ERC2: variants seen among roughly 807,000 people sequenced by gnomAD.
ERC2 encodes ELKS/RAB6-interacting/CAST family member 2.
A neutral mutation model predicts 114.8 loss-of-function variants in ERC2; 42 were observed. The observed-to-expected ratio is 0.37, with a 90% CI of 0.29 to 0.47. The LOEUF is 0.47. ERC2 is among the 20% of genes least tolerant of loss of function. The pLI, the probability that ERC2 is intolerant of heterozygous loss-of-function variation, is 0.99. For synonymous variants in ERC2, 454 were observed against 425.5 expected (o/e 1.07, Z -0.82); for missense variants, 939 against 1,150.7 (o/e 0.82, Z 2.66).
At chr3:55,945,687 TA>T (rs1461865884) in intron 13 of ERC2, among the ~76,000 whole-genome samples, 2 of 151,914 alleles carry the variant, frequency 1.3e-5, no homozygotes, top group African/African-American at 4.8e-5. Flanking sequence ...AATTAAAAAA[TA>T]AAATTGCCTT....
chr3:56,219,485 C>A (rs1025611264), intron 3 of ERC2, among the ~76,000 whole-genome samples: 1 of 151,942 alleles, frequency 6.6e-6, no homozygotes, highest in South Asian at 2.1e-4. Flanking sequence ...CAATATGTAT[C>A]CTGAGTTTCC....
At chr3:55,903,150 C>T (rs942480804) in intron 13 of ERC2, among the ~76,000 whole-genome samples, 3 of 152,172 alleles carry the variant, frequency 2.0e-5, no homozygotes, top group East Asian at 3.9e-4. Flanking sequence ...CTGTATCATG[C>T]TTTGGAAATA....
At chr3:55,787,315 C>A (rs528125682) in intron 14 of ERC2, among the ~76,000 whole-genome samples, 7 of 152,154 alleles carry the variant, frequency 4.6e-5, no homozygotes, top group South Asian at 4.2e-4. Context: ...ACTAGGGAAG[C>A]TGAGGCAGGA....
chr3:56,165,373 CGTTA>C (rs1010251557), intron 4 of ERC2, among the ~76,000 whole-genome samples: 1 of 151,776 alleles, frequency 6.6e-6, no homozygotes, highest in African/African-American at 2.4e-5. Flanking sequence ...ACAGTGTACA[CGTTA>C]GTTACATATG....
chr3:55,759,497 A>G (rs868603555), intron 14 of ERC2, among the ~76,000 whole-genome samples: 1,289 of 104,832 alleles, frequency 0.012, 39 homozygotes, highest in African/African-American at 0.041. Context: ...AAAAAAAAAA[A>G]AGGTTAAGGT....
At chr3:55,914,988 T>C (rs2065011899) in intron 13 of ERC2, among the ~76,000 whole-genome samples, 1 of 152,158 alleles carries the variant, frequency 6.6e-6, no homozygotes, top group South Asian at 2.1e-4. Context: ...TTTTGAAGCA[T>C]CTTGCCTTTC....
intron 2 of ERC2, among the ~76,000 whole-genome samples, chr3:56,413,742 A>G (rs2061033787): frequency 6.6e-6 from 1 of 152,224 alleles, no homozygotes; most frequent in African/African-American, 2.4e-5. Flanking sequence ...CTTCTGACTT[A>G]TTGAATTTCC....
At position 56,233,527 on chromosome 3, in the gene ERC2, C is replaced by T. The variant is rs2050758211; in HGVS notation, c.1075-60007G>A. 2.6e-5 allele frequency among the ~76,000 whole-genome samples: 4 copies of T among 151,838 alleles called. No individual in the cohort carries two copies. In the South Asian group the frequency reaches 6.2e-4, roughly 24 times the overall value. ...GGAGTGGTGGCAGGTGCCTATAATC[C>T]CAGCTACTCCAGAGGCTGATGCAGG... On this transcript the variant is annotated intron_variant, in intron 3 of 17. Transcript: ENST00000288221.
chr3:56,310,666 A>G (rs963064041), intron 2 of ERC2, among the ~76,000 whole-genome samples: 2 of 152,060 alleles, frequency 1.3e-5, no homozygotes, highest in Admixed American at 6.5e-5. Flanking sequence ...GCTTCTCTCT[A>G]CTTCTTGAGT....
intron 17 of ERC2, among the ~76,000 whole-genome samples, chr3:55,539,407 TTTTC>T: frequency 7.5e-6 from 1 of 133,552 alleles, no homozygotes; most frequent in Non-Finnish European, 1.6e-5. Flanking sequence ...CTCTCTCTTT[TTTTC>T]TTTCTTTTTT....
At chr3:56,046,972 G>C (rs2149675272) in intron 7 of ERC2, among the ~76,000 whole-genome samples, 1 of 152,332 alleles carries the variant, frequency 6.6e-6, no homozygotes, top group Non-Finnish European at 1.5e-5. Flanking sequence ...GTGGAAAGGA[G>C]TCTGTCTTCT....
intron 3 of ERC2, among the ~76,000 whole-genome samples, chr3:56,244,109 G>A (rs2051510998): frequency 6.6e-6 from 1 of 151,956 alleles, no homozygotes; most frequent in East Asian, 1.9e-4. Flanking sequence ...GGTCAACAAG[G>A]AACACCACAC....
At chr3:56,292,982 C>T (rs1178770380) in intron 3 of ERC2, among the ~76,000 whole-genome samples, 1 of 152,122 alleles carries the variant, frequency 6.6e-6, no homozygotes, top group Non-Finnish European at 1.5e-5. Context: ...ATCTATTTTC[C>T]CCCAATAGAA....
At chr3:56,328,251 G>C (rs2057455332) in intron 2 of ERC2, among the ~76,000 whole-genome samples, 1 of 152,182 alleles carries the variant, frequency 6.6e-6, no homozygotes, top group Non-Finnish European at 1.5e-5. Context: ...CCCCAAGAAG[G>C]CTTCCAAGAC....
At chr3:55,976,515 T>C (rs1395641504) in intron 12 of ERC2, among the ~76,000 whole-genome samples, 1 of 152,230 alleles carries the variant, frequency 6.6e-6, no homozygotes, top group Non-Finnish European at 1.5e-5. Flanking sequence ...TCTGTAAATG[T>C]TTATTAAGTG....
intron 16 of ERC2, among the ~76,000 whole-genome samples, chr3:55,697,541 T>A (rs1302955582): frequency 1.3e-5 from 2 of 152,146 alleles, no homozygotes; most frequent in Non-Finnish European, 2.9e-5. Context: ...ATTACACCTC[T>A]CTGGAAAAGT....
Position 56,174,758 on chromosome 3 carries a change from T to C in ERC2, c.1075-1238A>G, listed in dbSNP as rs544808463. On this transcript the variant is annotated intron_variant, in intron 3 of 17. Transcript: ENST00000288221. The stretch of plus-strand genomic sequence containing the variant: ...ACTTTGGGAGGCCGAGGTGGGTGGA[T>C]CATGAGGTCAGAAGATTGAGACCAT... Among the ~76,000 whole-genome samples, 4 of 152,122 alleles carry C rather than the reference T, an allele frequency of 2.6e-5. No individual in the cohort carries two copies. The East Asian group carries it at 7.7e-4, about 29-fold the overall frequency.
chr3:56,020,695 C>T (rs759172006), intron 7 of ERC2, among the ~76,000 whole-genome samples: 5 of 152,132 alleles, frequency 3.3e-5, no homozygotes, highest in East Asian at 1.9e-4. Flanking sequence ...CACACATGTA[C>T]GCAAATCCAC....
intron 2 of ERC2, among the ~76,000 whole-genome samples, chr3:56,428,073 G>A (rs958548636): frequency 1.3e-5 from 2 of 152,164 alleles, no homozygotes; most frequent in African/African-American, 2.4e-5. Context: ...AAGGAGCCTG[G>A]AAGAAGGTAA....
Sources: allele counts gnomAD v4.1 joint callset (sites outside exome capture counted in the v4.1 genomes callset), GRCh38; gene constraint gnomAD v4.1.1; transcripts MANE v1.5; gene names NCBI Gene and HGNC (gene_info 2026-07-23, HGNC 2026-07-21).